PHF20: variants seen among roughly 807,000 people sequenced by gnomAD.
PHF20 encodes the protein glioma-expressed antigen 2.
PHF20 carries 23 observed loss-of-function variants against 113.5 expected under a neutral mutation model. That is an observed-to-expected ratio of 0.20 (90% CI 0.15 to 0.29). The LOEUF (loss-of-function observed/expected upper bound fraction) is 0.29. Ranked by LOEUF, PHF20 falls within the 10% of genes least tolerant of loss-of-function variation. The pLI, the probability that PHF20 is intolerant of heterozygous loss-of-function variation, is 1.00. For synonymous variants in PHF20, 434 were observed against 457.3 expected (o/e 0.95, Z 0.65); for missense variants, 943 against 1,219.6 (o/e 0.77, Z 3.38).
intron 1 of PHF20, among the ~76,000 whole-genome samples, chr20:35,785,382 C>T (rs1228129080): frequency 1.3e-5 from 2 of 151,994 alleles, no homozygotes; most frequent in African/African-American, 2.4e-5. Flanking sequence ...TGCAGTGGCA[C>T]AATCTTGGCT....
intron 5 of PHF20, among the ~76,000 whole-genome samples, chr20:35,860,711 A>C (rs894373412): frequency 3.3e-5 from 5 of 152,180 alleles, no homozygotes; most frequent in African/African-American, 1.2e-4. Context: ...GGAGCCATAC[A>C]GTACTCTAAA....
At chr20:35,836,528 T>C (rs1045978699) in intron 2 of PHF20, among the ~76,000 whole-genome samples, 5 of 152,188 alleles carry the variant, frequency 3.3e-5, no homozygotes, top group Admixed American at 3.3e-4. Context: ...AGCTATCGGT[T>C]GATATCTTTA....
At chr20:35,844,999 C>T (rs1036342526) in intron 3 of PHF20, among the ~76,000 whole-genome samples, 7 of 152,152 alleles carry the variant, frequency 4.6e-5, no homozygotes, top group Non-Finnish European at 1.0e-4. Context: ...AAAAGAAGCT[C>T]TCCCTCAAAT....
rs530553883 is a variant in PHF20, at chr20:35,949,472, T to A, written c.*1845T>A. ...TTAAGGTAGTCAATTTCATGTCTTG[T>A]TCAACGATGTAAGCAGAAACTGAAT... On this transcript the variant is annotated 3_prime_UTR_variant, in exon 18 of 18. Coordinates refer to ENST00000374012, the MANE Select transcript of PHF20 (RefSeq NM_016436.5). The A allele has an allele frequency of 6.5e-6, 1 of 152,824 alleles. No individual in the cohort carries two copies. The highest frequency in any genetic ancestry group is 3.4e-3 in the Middle Eastern group (1 of 294). The allele number at this position is 152,824 out of a possible 1,614,324, so 9.5% of individuals were successfully genotyped here. A position where few individuals can be genotyped will look rare whatever the true frequency, so the allele number is the denominator to read the frequency against.
chr20:35,808,697 C>T (rs1251019318), intron 2 of PHF20, among the ~76,000 whole-genome samples: 2 of 151,860 alleles, frequency 1.3e-5, no homozygotes, highest in Non-Finnish European at 2.9e-5. Context: ...CTCAGCCTCC[C>T]GAGTAGCTGG....
chr20:35,863,433 A>G, intron 6 of PHF20, 33 bp downstream of exon 6: 1 of 1,542,396 alleles, frequency 6.5e-7, no homozygotes, highest in South Asian at 1.3e-5. Context: ...GCAATGGGCA[A>G]TGCCAGAGTA....
intron 2 of PHF20, among the ~76,000 whole-genome samples, chr20:35,835,475 T>C (rs773553403): frequency 1.3e-5 from 2 of 152,186 alleles, no homozygotes; most frequent in African/African-American, 2.4e-5. Context: ...ACAAGAACAC[T>C]TGGACAGATC....
intron 2 of PHF20, among the ~76,000 whole-genome samples, chr20:35,815,664 A>G (rs1252219497): frequency 6.6e-6 from 1 of 151,620 alleles, no homozygotes; most frequent in Non-Finnish European, 1.5e-5. Context: ...GCAGGGTTTC[A>G]CTGTGTTAGC....
At chr20:35,797,655 C>CTT (rs1183705992) in intron 1 of PHF20, among the ~76,000 whole-genome samples, 7 of 137,532 alleles carry the variant, frequency 5.1e-5, no homozygotes, top group East Asian at 2.1e-4. Flanking sequence ...TGTTTTTTGG[C>CTT]TTTTTTTTTT....
intron 1 of PHF20, among the ~76,000 whole-genome samples, chr20:35,797,037 G>A (rs980040472): frequency 5.9e-5 from 9 of 151,846 alleles, no homozygotes; most frequent in East Asian, 1.9e-4. Context: ...TTTTTGTAGA[G>A]ATGACATTTC....
intron 13 of PHF20, among the ~76,000 whole-genome samples, chr20:35,924,282 C>G (rs1369219844): frequency 3.3e-5 from 5 of 149,926 alleles, no homozygotes; most frequent in African/African-American, 1.2e-4. Context: ...ACAACCTCCA[C>G]CTCCCAGGTT....
At chr20:35,879,928 A>G (rs1159531791) in intron 9 of PHF20, among the ~76,000 whole-genome samples, 1 of 152,032 alleles carries the variant, frequency 6.6e-6, no homozygotes, top group Non-Finnish European at 1.5e-5. Context: ...GGTCAAAGCT[A>G]TAATAAGCCA....
intron 4 of PHF20, among the ~76,000 whole-genome samples, chr20:35,853,555 G>A (rs1242198698): frequency 6.6e-6 from 1 of 152,048 alleles, no homozygotes; most frequent in African/African-American, 2.4e-5. Flanking sequence ...ACCAGCCTGG[G>A]TAACATAGAC....
At chr20:35,899,341 A>G in intron 9 of PHF20, 29 bp from the exon 10 acceptor site, 1 of 1,569,926 alleles carries the variant, frequency 6.4e-7, no homozygotes, top group South Asian at 1.2e-5. Flanking sequence ...AATACAAGGA[A>G]CCTTTGCTTT....
At chr20:35,777,667 A>C (rs1280338715) in intron 1 of PHF20, among the ~76,000 whole-genome samples, 1 of 152,168 alleles carries the variant, frequency 6.6e-6, no homozygotes, top group Non-Finnish European at 1.5e-5. Flanking sequence ...CCCACCAAAA[A>C]CAAAAAAGTA....
At chr20:35,863,484 G>A (rs999638406) in intron 6 of PHF20, 84 bp downstream of exon 6, 37 of 1,314,628 alleles carry the variant, frequency 2.8e-5, no homozygotes, top group Admixed American at 7.1e-5. Context: ...ACTTGTGTAC[G>A]TCAATCGTTT....
chr20:35,938,062 C>T (rs1441509367), intron 15 of PHF20, among the ~76,000 whole-genome samples: 4 of 151,912 alleles, frequency 2.6e-5, no homozygotes, highest in East Asian at 1.9e-4. Context: ...TTAGTAGAGG[C>T]GGGGTTTCAC....
At chr20:35,812,281 A>G (rs565602717) in intron 2 of PHF20, among the ~76,000 whole-genome samples, 1 of 152,102 alleles carries the variant, frequency 6.6e-6, no homozygotes, top group Non-Finnish European at 1.5e-5. Flanking sequence ...CAGGATCCAC[A>G]TTACTTTTTT....
chr20:35,904,767 C>CTCTTCCT (rs1555799925), intron 10 of PHF20, among the ~76,000 whole-genome samples: 2 of 125,614 alleles, frequency 1.6e-5, no homozygotes, highest in African/African-American at 6.7e-5. Context: ...GATTTCTTTT[C>CTCTTCCT]TCCTTCCTTC....
Sources: allele counts gnomAD v4.1 joint callset (sites outside exome capture counted in the v4.1 genomes callset), GRCh38; gene constraint gnomAD v4.1.1; transcripts MANE v1.5; gene names NCBI Gene and HGNC (gene_info 2026-07-23, HGNC 2026-07-21).